Variants in PEX5L observed in about 807,000 individuals in gnomAD.
PEX5L encodes peroxisomal biogenesis factor 5 like.
In PEX5L, 30 loss-of-function variants were observed where a neutral mutation model predicts 84.0. The observed-to-expected ratio is 0.36, with a 90% CI of 0.27 to 0.48. PEX5L has a LOEUF of 0.48. PEX5L is among the 20% of genes least tolerant of loss of function. The pLI is 0.99. For synonymous variants in PEX5L, 270 were observed against 283.1 expected, an observed-to-expected ratio of 0.95 and a Z score of 0.46; for missense variants, 533 against 754.6, an observed-to-expected ratio of 0.71 and a Z score of 3.44.
At chr3:179,857,248 T>G (rs1460437792) in intron 8 of PEX5L, among the ~76,000 whole-genome samples, 1 of 152,180 alleles carries the variant, frequency 6.6e-6, no homozygotes, top group Non-Finnish European at 1.5e-5. Context: ...AGATGTGGCT[T>G]GCTGGGGTGA....
intron 3 of PEX5L, among the ~76,000 whole-genome samples, chr3:179,895,020 T>C (rs1278559862): frequency 1.3e-5 from 2 of 152,136 alleles, no homozygotes; most frequent in Admixed American, 1.3e-4. Flanking sequence ...TATTCTCAAA[T>C]TGAATTTGTT....
chr3:179,829,713 T>C (rs934902148), intron 8 of PEX5L, among the ~76,000 whole-genome samples: 2 of 152,244 alleles, frequency 1.3e-5, no homozygotes, highest in African/African-American at 4.8e-5. Context: ...GGGATTAGTT[T>C]AGATGCATTT....
At chr3:179,959,166 CATGA>C (rs1336236563) in intron 2 of PEX5L, among the ~76,000 whole-genome samples, 3 of 68,318 alleles carry the variant, frequency 4.4e-5, no homozygotes, top group Non-Finnish European at 8.8e-5. Context: ...TGCTGTGGTC[CATGA>C]ACCAACCACT....
chr3:179,923,478 A>G (rs1770468669), intron 2 of PEX5L, among the ~76,000 whole-genome samples: 1 of 152,140 alleles, frequency 6.6e-6, no homozygotes, highest in Non-Finnish European at 1.5e-5. Flanking sequence ...TCAGCATCAT[A>G]GGGGAACTTG....
At chr3:180,017,088 C>T (rs1044230209) in intron 1 of PEX5L, among the ~76,000 whole-genome samples, 3 of 152,014 alleles carry the variant, frequency 2.0e-5, no homozygotes, top group African/African-American at 7.3e-5. Flanking sequence ...GGGTAAATTG[C>T]TGTCTCATGA....
At chr3:179,808,183 A>G in intron 13 of PEX5L, 89 bp downstream of exon 13, 1 of 1,070,282 alleles carries the variant, frequency 9.3e-7, no homozygotes, top group South Asian at 2.0e-5. Flanking sequence ...AGGGAAATAA[A>G]GTGCAGAAGA....
At chr3:179,937,718 C>G (rs1025207497) in intron 2 of PEX5L, among the ~76,000 whole-genome samples, 2 of 152,106 alleles carry the variant, frequency 1.3e-5, no homozygotes, top group Non-Finnish European at 2.9e-5. Flanking sequence ...TTCTGAGTAC[C>G]TGCTTGTAAG....
intron 3 of PEX5L, chr3:179,888,120 C>G: frequency 7.7e-7 from 1 of 1,290,726 alleles, no homozygotes; most frequent in Non-Finnish European, 1.0e-6. Context: ...CACTCCTCAC[C>G]TGGACAAAAG....
intron 1 of PEX5L, among the ~76,000 whole-genome samples, chr3:180,016,919 AG>A (rs1417774983): frequency 6.6e-6 from 1 of 152,242 alleles, no homozygotes; most frequent in Non-Finnish European, 1.5e-5. Context: ...AGAGCATTAT[AG>A]ATTCATGAAT....
chr3:180,000,447 C>G (rs576839911), intron 1 of PEX5L, among the ~76,000 whole-genome samples: 35 of 152,266 alleles, frequency 2.3e-4, no homozygotes, highest in African/African-American at 8.4e-4. Flanking sequence ...GGCAGGACTA[C>G]ACATGGCCCA....
chr3:179,839,218 G>A (rs1408285891), intron 8 of PEX5L, among the ~76,000 whole-genome samples: 1 of 151,888 alleles, frequency 6.6e-6, no homozygotes, highest in African/African-American at 2.4e-5. Flanking sequence ...AATTAGGTGT[G>A]GATTAAAAAG....
Position 180,036,730 on chromosome 3 carries a change from C to A in PEX5L, c.-131G>T. On this transcript the variant is annotated 5_prime_UTR_variant, in exon 1 of 15. Transcript: ENST00000467460. ...GAGGGTGCTCCTGAGCCCCCTGGAG[C>A]TCCGGGTACTCGGCCGGCCGGCGGC... The A allele has an allele frequency of 1.1e-6, 1 of 945,432 alleles. No individual in the cohort carries two copies. The highest frequency in any genetic ancestry group is 1.7e-6 in the Non-Finnish European group (1 of 584,342). The allele number at this position is 945,432 out of a possible 1,614,324, so 58.6% of individuals were successfully genotyped here. A position where few individuals can be genotyped will look rare whatever the true frequency, so the allele number is the denominator to read the frequency against.
At chr3:179,970,076 A>G (rs13079570) in intron 2 of PEX5L, among the ~76,000 whole-genome samples, 33,785 of 152,026 alleles carry the variant, frequency 0.22, 4,848 homozygotes, top group Non-Finnish European at 0.32. Context: ...ACTCAGTTAA[A>G]ATGCAAAGAT....
chr3:179,923,301 A>AAAAAC (rs1553900531), intron 2 of PEX5L, among the ~76,000 whole-genome samples: 1,644 of 143,276 alleles, frequency 0.011, 34 homozygotes, highest in South Asian at 0.024. Context: ...AAAAAAAAAA[A>AAAAAC]AAAAAAAAAA....
chr3:179,831,329 A>C (rs1378659778), intron 8 of PEX5L, among the ~76,000 whole-genome samples: 1 of 152,070 alleles, frequency 6.6e-6, no homozygotes, highest in East Asian at 1.9e-4. Flanking sequence ...AAAAAAAAAA[A>C]AAAAAACCTA....
intron 4 of PEX5L, among the ~76,000 whole-genome samples, chr3:179,887,017 A>G (rs539899838): frequency 6.6e-6 from 1 of 152,340 alleles, no homozygotes; most frequent in Admixed American, 6.5e-5. Context: ...CTGCCTCTAC[A>G]AGGGAAGTGT....
chr3:179,888,206 T>C (rs2108858967), intron 3 of PEX5L: 1 of 1,280,646 alleles, frequency 7.8e-7, no homozygotes, highest in Non-Finnish European at 1.0e-6. Flanking sequence ...AGTCAGTGTT[T>C]ATGTGGGGAG....
At chr3:179,833,884 G>C (rs983857155) in intron 8 of PEX5L, among the ~76,000 whole-genome samples, 1 of 152,130 alleles carries the variant, frequency 6.6e-6, no homozygotes, top group Non-Finnish European at 1.5e-5. Context: ...GCCCAGGCTA[G>C]AGTGCAGTGG....
chr3:179,888,600 G>A (rs1578078394), intron 3 of PEX5L, among the ~76,000 whole-genome samples: 1 of 150,370 alleles, frequency 6.7e-6, no homozygotes, highest in South Asian at 2.1e-4. Context: ...GGTTAAGGGA[G>A]AAAACACACT....
Sources: gnomAD v4.1 joint callset for allele counts (sites outside exome capture counted in the v4.1 genomes callset) on GRCh38, gnomAD v4.1.1 for gene constraint, MANE v1.5 for transcripts, NCBI Gene and HGNC (gene_info 2026-07-23, HGNC 2026-07-21) for gene names.